Variants in HIPK2 observed in about 807,000 individuals in gnomAD.
The protein encoded by HIPK2 is homeodomain-interacting protein kinase 2.
A neutral mutation model predicts 113.7 loss-of-function variants in HIPK2; 27 were observed. The ratio of observed to expected loss-of-function variants is 0.24; its 90% CI spans 0.17 to 0.33. HIPK2 has a LOEUF of 0.33. Among genes scored for constraint, HIPK2 ranks in the 10% least tolerant of loss-of-function variants. HIPK2 has a pLI of 1.00. For missense variants in HIPK2, 1,257 were observed against 1,588.0 expected (o/e 0.79, Z 3.54); for synonymous variants, 631 against 642.2 (o/e 0.98, Z 0.26).
At chr7:139,772,063 C>T (rs1796661466) in intron 1 of HIPK2, among the ~76,000 whole-genome samples, 1 of 152,200 alleles carries the variant, frequency 6.6e-6, no homozygotes, top group African/African-American at 2.4e-5. Flanking sequence ...ATTCACCTTC[C>T]TGAAGACGGG....
intron 2 of HIPK2, among the ~76,000 whole-genome samples, chr7:139,688,094 A>AAC (rs141391980): frequency 3.2e-4 from 49 of 150,888 alleles, no homozygotes; most frequent in African/African-American, 8.5e-4. Flanking sequence ...CCACTGGGCC[A>AAC]ACACACACAC....
At chr7:139,731,603 T>G (rs1795784967) in intron 1 of HIPK2, among the ~76,000 whole-genome samples, 2 of 152,174 alleles carry the variant, frequency 1.3e-5, no homozygotes, top group South Asian at 4.1e-4. Flanking sequence ...TGTACTCATG[T>G]TTATGTATTT....
chr7:139,702,755 G>C (rs1477182131), intron 2 of HIPK2, among the ~76,000 whole-genome samples: 8 of 152,172 alleles, frequency 5.3e-5, no homozygotes, highest in African/African-American at 7.2e-5. Context: ...GGCACACGGA[G>C]GCTGGATCAA....
At chr7:139,750,829 A>C (rs538683754) in intron 1 of HIPK2, among the ~76,000 whole-genome samples, 6 of 152,320 alleles carry the variant, frequency 3.9e-5, no homozygotes, top group African/African-American at 1.4e-4. Flanking sequence ...AGTTGAAAAG[A>C]ACTAAAAAAA....
intron 1 of HIPK2, among the ~76,000 whole-genome samples, chr7:139,726,795 T>A (rs1324011106): frequency 6.6e-6 from 1 of 152,088 alleles, no homozygotes; most frequent in African/African-American, 2.4e-5. Flanking sequence ...AGTTCATGGG[T>A]AAGGCCAAAG....
chr7:139,661,258 C>G (rs1283044651), intron 2 of HIPK2, among the ~76,000 whole-genome samples: 1 of 152,214 alleles, frequency 6.6e-6, no homozygotes, highest in African/African-American at 2.4e-5. Context: ...GGAGAACAAT[C>G]CGACACCCAA....
intron 2 of HIPK2, among the ~76,000 whole-genome samples, chr7:139,687,716 T>C (rs1342288037): frequency 1.3e-5 from 2 of 152,128 alleles, no homozygotes; most frequent in Non-Finnish European, 2.9e-5. Context: ...AAAATACTAG[T>C]CTCCTGGATT....
chr7:139,757,898 A>G (rs1046675138), intron 1 of HIPK2, among the ~76,000 whole-genome samples: 20 of 152,356 alleles, frequency 1.3e-4, no homozygotes, highest in African/African-American at 4.6e-4. Context: ...AATAGTCCTC[A>G]TATGCAAACA....
At chr7:139,686,029 T>C (rs1464833617) in intron 2 of HIPK2, among the ~76,000 whole-genome samples, 1 of 152,220 alleles carries the variant, frequency 6.6e-6, no homozygotes, top group East Asian at 1.9e-4. Flanking sequence ...CCAAAGTAAA[T>C]TGAAAGTCTT....
intron 1 of HIPK2, among the ~76,000 whole-genome samples, chr7:139,777,404 C>T (rs995869741): frequency 1.3e-5 from 2 of 151,912 alleles, no homozygotes; most frequent in African/African-American, 4.8e-5. Context: ...CGGCCCCTCT[C>T]CCCGCCCTGG....
At chr7:139,678,448 C>G (rs189830846) in intron 2 of HIPK2, among the ~76,000 whole-genome samples, 1 of 152,200 alleles carries the variant, frequency 6.6e-6, no homozygotes, top group South Asian at 2.1e-4. Context: ...TTCCCCACTG[C>G]TAGTTTTTGA....
At chr7:139,576,853 G>A (rs1798509641) in intron 13 of HIPK2, among the ~76,000 whole-genome samples, 1 of 152,194 alleles carries the variant, frequency 6.6e-6, no homozygotes, top group African/African-American at 2.4e-5. Context: ...CTCTGCTGCC[G>A]AGTGGGGGCC....
In HIPK2 at chr7:139,716,415, C is replaced by T. The variant is rs778077114; in HGVS notation, c.620G>A (p.Arg207Gln). The T allele has an allele frequency of 3.7e-6, 6 of 1,613,870 alleles. No individual in the cohort carries two copies. The highest frequency in any genetic ancestry group is 1.7e-5 in the Admixed American group (1 of 59,988). ...NTYEVLEFLG[R>Q]GTFGQVVKCW... The stretch of plus-strand genomic sequence containing the variant: ...CTTGACCACTTGCCCAAACGTCCCT[C>T]GGCCCAAGAACTCTAAGACCTCGTA... Residue 207 changes from arginine (R) to glutamine (Q), a missense_variant, in exon 2 of 15, where the codon CGA (arginine) becomes CAA (glutamine). Around this residue, in one of 5 missense-constraint regions of HIPK2, gnomAD observed 78 missense variants for 145.7 expected, o/e 0.54. Coordinates refer to ENST00000406875, the MANE Select transcript of HIPK2 (RefSeq NM_022740.5). The surrounding 1 kb of genome is among the most constrained non-coding windows in gnomAD (Gnocchi z 9.3).
intron 12 of HIPK2, 108 bp from the exon 13 acceptor site, chr7:139,584,172 AG>A: frequency 6.9e-7 from 1 of 1,443,398 alleles, no homozygotes; most frequent in Non-Finnish European, 9.3e-7. Flanking sequence ...GGGAGAGGGC[AG>A]GAACAGGGCT....
intron 1 of HIPK2, among the ~76,000 whole-genome samples, chr7:139,744,254 C>T (rs1253324167): frequency 2.0e-5 from 3 of 152,130 alleles, no homozygotes; most frequent in African/African-American, 2.4e-5. Flanking sequence ...AATGAAGAAC[C>T]GATACCTGCT....
At position 139,613,015 on chromosome 7, in the gene HIPK2, G is replaced by T; in HGVS notation, c.2112+187C>A. The T allele has an allele frequency of 4.2e-6, 1 of 237,280 alleles. No individual in the cohort carries two copies. The highest frequency in any genetic ancestry group is 6.8e-6 in the Non-Finnish European group (1 of 146,088). The allele number at this position is 237,280 out of a possible 1,614,324, so 14.7% of individuals were successfully genotyped here. On this transcript the variant is annotated intron_variant, in intron 9 of 14. Transcript: ENST00000406875. This position sits in a 1 kb window ranked among gnomAD's most constrained non-coding sequence, Gnocchi z 4.2. ...CTCCCTGTATCTAAATTTCTTCTTGGAATTGTAAGCAGATACTTAGGAAGG... is the reference window on the plus strand; with the variant it reads ...CTCCCTGTATCTAAATTTCTTCTTGTAATTGTAAGCAGATACTTAGGAAGG...
At chr7:139,588,120 C>T (rs141155055) in intron 12 of HIPK2, among the ~76,000 whole-genome samples, 2 of 151,858 alleles carry the variant, frequency 1.3e-5, no homozygotes, top group Admixed American at 6.6e-5. Flanking sequence ...GAGTTCGACA[C>T]CAGCCTGGCC....
intron 2 of HIPK2, among the ~76,000 whole-genome samples, chr7:139,658,521 C>T (rs547450978): frequency 3.0e-4 from 46 of 152,262 alleles, no homozygotes; most frequent in African/African-American, 1.0e-3. Flanking sequence ...AGTAGGAAAG[C>T]GAAAGCAAAA....
chr7:139,749,397 G>A (rs536662251), intron 1 of HIPK2, among the ~76,000 whole-genome samples: 11 of 152,306 alleles, frequency 7.2e-5, no homozygotes, highest in African/African-American at 2.6e-4. Context: ...AAACCAATAA[G>A]CTTTAGTGCT....
Sources: allele counts gnomAD v4.1 joint callset (sites outside exome capture counted in the v4.1 genomes callset), GRCh38; gene constraint gnomAD v4.1.1; regional missense constraint gnomAD v4.1.1; non-coding constraint Gnocchi (gnomAD v3.1); transcripts MANE v1.5; gene names NCBI Gene and HGNC (gene_info 2026-07-23, HGNC 2026-07-21).